The following ASAP2 variants were observed in gnomAD, a reference collection of about 807,000 sequenced individuals.
ASAP2 encodes the protein arf-GAP with SH3 domain, ANK repeat and PH domain-containing protein 2.
ASAP2 carries 45 observed loss-of-function variants against 131.4 expected under a neutral mutation model. The observed-to-expected ratio is 0.34, with a 90% CI of 0.27 to 0.44. ASAP2 has a LOEUF of 0.44. ASAP2 is among the 20% of genes least tolerant of loss of function. The pLI is 1.00. For synonymous variants in ASAP2, 510 were observed against 503.0 expected, an observed-to-expected ratio of 1.01 and a Z score of -0.19; for missense variants, 1,011 against 1,297.0, an observed-to-expected ratio of 0.78 and a Z score of 3.39.
intron 3 of ASAP2, among the ~76,000 whole-genome samples, chr2:9,306,656 C>T (rs1271526779): frequency 1.3e-5 from 2 of 151,918 alleles, no homozygotes; most frequent in East Asian, 1.9e-4. Flanking sequence ...TTGATGAGCC[C>T]AGCCAGGAGT....
rs1043067406 is a variant in ASAP2, at chr2:9,281,802, A to G, written c.199+2413A>G. On this transcript the variant is annotated intron_variant, in intron 2 of 27. Coordinates refer to ENST00000281419, the MANE Select transcript of ASAP2 (RefSeq NM_003887.3). This position sits in a 1 kb window ranked among gnomAD's most constrained non-coding sequence, Gnocchi z 4.0. ...CCTTTCCCAATTCATCTGTCGATGAAACTGTCACTGCCTCCCCTGATCACC... is the reference window on the plus strand; with the variant it reads ...CCTTTCCCAATTCATCTGTCGATGAGACTGTCACTGCCTCCCCTGATCACC... 8.5e-5 allele frequency among the ~76,000 whole-genome samples: 13 copies of G among 152,140 alleles called. No individual in the cohort carries two copies. Among genetic ancestry groups the G allele is most frequent in the African/African-American group, 3.1e-4 (13 of 41,416 alleles).
intron 9 of ASAP2, among the ~76,000 whole-genome samples, chr2:9,344,251 C>T (rs866784233): frequency 5.3e-5 from 8 of 152,192 alleles, no homozygotes; most frequent in Middle Eastern, 6.8e-3. Flanking sequence ...GGTTAAGGCT[C>T]GTAATGAAAT....
intron 1 of ASAP2, among the ~76,000 whole-genome samples, chr2:9,229,327 G>A (rs983069678): frequency 4.6e-5 from 7 of 152,220 alleles, no homozygotes; most frequent in South Asian, 2.1e-4. Flanking sequence ...AGTGGTGCCC[G>A]CCACAGTGAG....
At chr2:9,397,727 G>GATATATATATATATATATATATAT (rs200560260) in intron 24 of ASAP2, among the ~76,000 whole-genome samples, 6 of 83,518 alleles carry the variant, frequency 7.2e-5, no homozygotes, top group African/African-American at 4.6e-4. Flanking sequence ...AAATCAAAAG[G>GATATATATATATATATATATATAT]ATATATATAT....
chr2:9,319,006 C>G (rs1236082657), intron 4 of ASAP2, among the ~76,000 whole-genome samples: 5 of 152,228 alleles, frequency 3.3e-5, no homozygotes, highest in African/African-American at 1.2e-4. Flanking sequence ...TCGCAGTCGT[C>G]AGGCATGAGC....
intron 2 of ASAP2, among the ~76,000 whole-genome samples, chr2:9,286,447 A>AAAAATATATATATATAT (rs58605449): frequency 2.0e-4 from 30 of 148,406 alleles, no homozygotes; most frequent in African/African-American, 7.1e-4. Flanking sequence ...GAAAAAAAAA[A>AAAAATATATATATATAT]ATATATATAT....
intron 6 of ASAP2, among the ~76,000 whole-genome samples, chr2:9,323,577 A>T (rs1249127069): frequency 6.6e-6 from 1 of 152,192 alleles, no homozygotes; most frequent in Non-Finnish European, 1.5e-5. Context: ...GTTCCCTTGT[A>T]CCAATGGAGT....
At chr2:9,396,523 C>A (rs1470460914) in intron 24 of ASAP2, among the ~76,000 whole-genome samples, 1 of 152,162 alleles carries the variant, frequency 6.6e-6, no homozygotes, top group African/African-American at 2.4e-5. Context: ...GCAGTCCTCC[C>A]ACCTTGGCCT....
chr2:9,264,276 G>A (rs1179818412), intron 1 of ASAP2, among the ~76,000 whole-genome samples: 14 of 152,010 alleles, frequency 9.2e-5, no homozygotes, highest in Admixed American at 9.2e-4. Flanking sequence ...GGGAAGGAGG[G>A]AGGTATATTT....
chr2:9,399,455 C>G (rs998464741), intron 24 of ASAP2: 1 of 153,206 alleles, frequency 6.5e-6, no homozygotes, highest in African/African-American at 2.4e-5. Flanking sequence ...GATGAGGGAC[C>G]CCTCTCTGCC....
chr2:9,264,195 A>AATAAT (rs1665776409), intron 1 of ASAP2, among the ~76,000 whole-genome samples: 4 of 141,872 alleles, frequency 2.8e-5, no homozygotes, highest in Admixed American at 7.7e-5. Flanking sequence ...TGTCTCAAAA[A>AATAAT]AATAATAATA....
chr2:9,229,102 A>G (rs1662971408), intron 1 of ASAP2, among the ~76,000 whole-genome samples: 1 of 152,088 alleles, frequency 6.6e-6, no homozygotes, highest in South Asian at 2.1e-4. Context: ...CTCGGCAGAG[A>G]AGCGGAGTTT....
rs1189632708 is a variant in ASAP2 at position 9,264,197 on chromosome 2, ATAAT to A, written c.127-15119_127-15116del. Among the ~76,000 whole-genome samples, 22 of 83,566 alleles carry A rather than the reference ATAAT, an allele frequency of 2.6e-4. 2 individuals carry two copies. Among genetic ancestry groups the A allele is most frequent in the African/African-American group, 5.3e-4 (10 of 18,702 alleles). The allele number at this position is 83,566 out of a possible 152,430, so 54.8% of individuals were successfully genotyped here. A position where few individuals can be genotyped will look rare whatever the true frequency, so the allele number is the denominator to read the frequency against. On this transcript the variant is annotated intron_variant, in intron 1 of 27. Coordinates refer to ENST00000281419, the MANE Select transcript of ASAP2 (RefSeq NM_003887.3). ...GTGAGTGAGACCCTGTCTCAAAAAA[ATAAT>A]AATAATAATAATAATAATAATAAAC...
intron 22 of ASAP2, 96 bp from the exon 23 acceptor site, chr2:9,390,966 G>A: frequency 6.3e-7 from 1 of 1,581,696 alleles, no homozygotes; most frequent in Non-Finnish European, 8.6e-7. Flanking sequence ...TTCATAAGGG[G>A]GAGGATCAAT....
chr2:9,328,919 T>C (rs1670651518), intron 7 of ASAP2, among the ~76,000 whole-genome samples: 1 of 152,264 alleles, frequency 6.6e-6, no homozygotes, highest in Non-Finnish European at 1.5e-5. Flanking sequence ...AAGAATATAA[T>C]ACAGGGACCT....
At chr2:9,243,382 A>G (rs1248714714) in intron 1 of ASAP2, among the ~76,000 whole-genome samples, 1 of 152,214 alleles carries the variant, frequency 6.6e-6, no homozygotes, top group Non-Finnish European at 1.5e-5. Flanking sequence ...TGCTGGGATT[A>G]CAGGCATGAG....
rs113520099 is a variant in ASAP2 at position 9,395,707 on chromosome 2, A to G, written c.2684+2060A>G. Reference sequence around the variant, plus strand: ...ACTGCAAGTTCCGCTTCCCAGGTTCACACCATTCTCCTGCCTCAGCCTCCC... The same window carrying G: ...ACTGCAAGTTCCGCTTCCCAGGTTCGCACCATTCTCCTGCCTCAGCCTCCC... On this transcript the variant is annotated intron_variant, in intron 24 of 27. Transcript: ENST00000281419. Among the ~76,000 whole-genome samples the G allele has an allele frequency of 1.2e-3, 163 of 136,576 alleles. 3 individuals carry two copies. The highest frequency in any genetic ancestry group is 4.3e-3 in the African/African-American group (156 of 36,018). 89.6% of individuals were successfully genotyped at this position (136,576 alleles called of 152,430 possible).
At chr2:9,245,460 T>A (rs1664273506) in intron 1 of ASAP2, among the ~76,000 whole-genome samples, 1 of 151,228 alleles carries the variant, frequency 6.6e-6, no homozygotes, top group South Asian at 2.1e-4. Flanking sequence ...CCTAAAAGAT[T>A]AGTCATACAT....
chr2:9,380,817 C>T lies in ASAP2; in HGVS notation c.2016+9C>T, dbSNP rs758604797. 3.1e-6 allele frequency: 5 copies of T among 1,613,656 alleles called. No individual in the cohort carries two copies. The East Asian group carries it at 1.1e-4, about 36-fold the overall frequency. On this transcript the variant is annotated intron_variant, in intron 20 of 27. Coordinates refer to ENST00000281419, the MANE Select transcript of ASAP2 (RefSeq NM_003887.3). ...AGCACTGTGAGGAGCTGGTGAGTCT[C>T]CCACCACAAGGACGGGGTGGGGCAC...
Sources: allele counts gnomAD v4.1 joint callset (sites outside exome capture counted in the v4.1 genomes callset), GRCh38; gene constraint gnomAD v4.1.1; non-coding constraint Gnocchi (gnomAD v3.1); transcripts MANE v1.5; gene names NCBI Gene and HGNC (gene_info 2026-07-23, HGNC 2026-07-21).